LANCL2: variants seen among roughly 807,000 people sequenced by gnomAD.
LANCL2 encodes the protein lanC-like protein 2.
Under a neutral mutation model 56.9 loss-of-function variants are expected in LANCL2, and 33 were observed. The ratio of observed to expected loss-of-function variants is 0.58; its 90% CI spans 0.44 to 0.78. The LOEUF (loss-of-function observed/expected upper bound fraction) is 0.78, where lower values mean the gene tolerates loss of function less well. Ranked by LOEUF, LANCL2 falls within the 30% of genes least tolerant of loss-of-function variation. The pLI is 0.00. For missense variants in LANCL2, 562 were observed against 580.2 expected, an observed-to-expected ratio of 0.97 and a Z score of 0.32; for synonymous variants, 233 against 228.2, an observed-to-expected ratio of 1.02 and a Z score of -0.19.
At chr7:55,382,396 T>C (rs190144611) in intron 1 of LANCL2, among the ~76,000 whole-genome samples, 1 of 152,324 alleles carries the variant, frequency 6.6e-6, no homozygotes, top group Admixed American at 6.5e-5. Context: ...TGGAGAAGAC[T>C]GTCAGTGTCC....
At chr7:55,428,507 T>G in intron 8 of LANCL2, 60 bp downstream of exon 8, 2 of 1,328,584 alleles carry the variant, frequency 1.5e-6, no homozygotes, top group Non-Finnish European at 2.2e-6. Context: ...CTCCTGCCCT[T>G]GTGGACTGGC....
At chr7:55,427,597 G>C (rs1790678594) in intron 7 of LANCL2, among the ~76,000 whole-genome samples, 1 of 152,226 alleles carries the variant, frequency 6.6e-6, no homozygotes, top group Non-Finnish European at 1.5e-5. Flanking sequence ...TCTTTCTGTT[G>C]TCTGACTCGG....
chr7:55,424,067 C>T (rs528960985), intron 6 of LANCL2, among the ~76,000 whole-genome samples: 9 of 152,304 alleles, frequency 5.9e-5, no homozygotes, highest in African/African-American at 1.7e-4. Context: ...GTAGAGGGAC[C>T]TGACCTGCCA....
intron 1 of LANCL2, among the ~76,000 whole-genome samples, chr7:55,387,231 A>G (rs747208583): frequency 7.2e-5 from 11 of 152,228 alleles, no homozygotes; most frequent in Non-Finnish European, 1.6e-4. Context: ...CACATGACTC[A>G]TAGGAACAGT....
chr7:55,429,390 T>C (rs151332631), intron 8 of LANCL2, among the ~76,000 whole-genome samples: 6 of 152,358 alleles, frequency 3.9e-5, no homozygotes, highest in African/African-American at 1.4e-4. Flanking sequence ...TCATATTGGG[T>C]GAGCTGTCAT....
chr7:55,425,824 T>G (rs1303348866), intron 7 of LANCL2, among the ~76,000 whole-genome samples: 2 of 152,194 alleles, frequency 1.3e-5, no homozygotes, highest in Non-Finnish European at 2.9e-5. Context: ...GCAGATTGTT[T>G]GTAATCGTCC....
Position 55,428,429 on chromosome 7 carries a change from C to A in LANCL2, c.1240C>A (p.Pro414Thr), listed in dbSNP as rs762630798. 158 of 1,613,864 alleles carry A rather than the reference C, an allele frequency of 9.8e-5. No homozygotes were observed. Among genetic ancestry groups the A allele is most frequent in the Non-Finnish European group, 1.2e-4 (146 of 1,179,856 alleles). ...GAHGCRIPDR[P>T]YSLFEGMAGA... ...ACACGGGTGCCGCATTCCTGACAGA[C>A]CCTATTCGCTCTTTGAAGGTAAGAG... The change falls in exon 8 of 9, where the codon CCC becomes ACC. Residue 414 changes from proline to threonine, a missense_variant. By Grantham distance (38) the Pro-to-Thr change is conservative. Transcript: ENST00000254770.
Position 55,398,496 on chromosome 7 carries a change from C to T in LANCL2, c.396C>T (p.Tyr132=), listed in dbSNP as rs184183316. 6.8e-6 allele frequency: 11 copies of T among 1,614,174 alleles called. No individual in the cohort carries two copies. Among genetic ancestry groups the T allele is most frequent in the Middle Eastern group, 1.6e-4 (1 of 6,062 alleles). ...CCTACCTGCTCCGATCCCTGGATTA[C>T]GTAAAAAGAACACTTCGGAATCTGA... ...DQTYLLRSLD[Y]VKRTLRNLNG... Residue 132 remains tyrosine (Y), a synonymous_variant, in exon 3 of 9, where the codon TAC becomes TAT. Coordinates refer to ENST00000254770, the MANE Select transcript of LANCL2 (RefSeq NM_018697.4).
chr7:55,432,183 G>A lies in LANCL2; in HGVS notation c.*863G>A, dbSNP rs1790737651. 6.6e-6 allele frequency: 1 copy of A among 152,150 alleles called. No homozygotes were observed. 9.4% of individuals were successfully genotyped at this position (152,150 alleles called of 1,614,324 possible). A position where few individuals can be genotyped will look rare whatever the true frequency, so the allele number is the denominator to read the frequency against. On this transcript the variant is annotated 3_prime_UTR_variant, in exon 9 of 9. Coordinates refer to ENST00000254770, the MANE Select transcript of LANCL2 (RefSeq NM_018697.4). ...CAGTTTATCAACATTATAAGTTACT[G>A]TTCTAAGAAAAGTAAATACAGTTCC...
intron 6 of LANCL2, among the ~76,000 whole-genome samples, chr7:55,422,085 CAA>C (rs1790615048): frequency 6.6e-6 from 1 of 151,886 alleles, no homozygotes; most frequent in Non-Finnish European, 1.5e-5. Context: ...TTGATACAAG[CAA>C]AAAAGATAGT....
chr7:55,391,721 G>A (rs1790192687), intron 1 of LANCL2, 72 bp from the exon 2 acceptor site: 1 of 825,126 alleles, frequency 1.2e-6, no homozygotes, highest in East Asian at 2.5e-5. Flanking sequence ...GTACAACTTA[G>A]ACTTTAAAGT....
At chr7:55,381,523 C>G (rs561419422) in intron 1 of LANCL2, among the ~76,000 whole-genome samples, 13 of 152,168 alleles carry the variant, frequency 8.5e-5, no homozygotes, top group Admixed American at 8.5e-4. Context: ...ACAGAATTTG[C>G]AATTCAATAC....
At chr7:55,367,970 T>C (rs1789894280) in intron 1 of LANCL2, among the ~76,000 whole-genome samples, 1 of 152,252 alleles carries the variant, frequency 6.6e-6, no homozygotes, top group African/African-American at 2.4e-5. Flanking sequence ...TGTGACTTAG[T>C]GTTTCATTTT....
At chr7:55,422,891 T>C (rs1032719302) in intron 6 of LANCL2, among the ~76,000 whole-genome samples, 12 of 152,326 alleles carry the variant, frequency 7.9e-5, no homozygotes, top group Admixed American at 5.2e-4. Flanking sequence ...GTTTGGGTCA[T>C]CTTGGGATCC....
At position 55,429,008 on chromosome 7, in the gene LANCL2, A is replaced by C. The variant is rs140110755; in HGVS notation, c.1258+561A>C. Among the ~76,000 whole-genome samples the C allele has an allele frequency of 8.7e-3, 1,318 of 152,282 alleles. 20 individuals carry two copies. Among genetic ancestry groups the C allele is most frequent in the African/African-American group, 0.03 (1,263 of 41,534 alleles). ...ACAGGAGCACAAACAGAAGCCCCAC[A>C]AACAGGCCCGGATATTCGTTAGATT... On this transcript the variant is annotated intron_variant, in intron 8 of 8. Coordinates refer to ENST00000254770, the MANE Select transcript of LANCL2 (RefSeq NM_018697.4).
intron 1 of LANCL2, among the ~76,000 whole-genome samples, chr7:55,371,277 T>A (rs1789941062): frequency 6.6e-6 from 1 of 152,166 alleles, no homozygotes; most frequent in Admixed American, 6.5e-5. Flanking sequence ...CTCACTCTGT[T>A]GTAGGCTGGA....
intron 1 of LANCL2, among the ~76,000 whole-genome samples, chr7:55,382,301 T>TA (rs958099508): frequency 3.9e-5 from 6 of 151,982 alleles, no homozygotes; most frequent in African/African-American, 7.2e-5. Flanking sequence ...TAAAAACCAT[T>TA]AAAAAAAGAG....
At chr7:55,404,428 T>C (rs1790381461) in intron 5 of LANCL2, among the ~76,000 whole-genome samples, 1 of 152,216 alleles carries the variant, frequency 6.6e-6, no homozygotes, top group South Asian at 2.1e-4. Flanking sequence ...ATATTACTTT[T>C]TAAAATTTTA....
chr7:55,425,608 G>GGCCACAGTGTCCCTGTCTA (rs1562870854), intron 7 of LANCL2, among the ~76,000 whole-genome samples, 178 bp downstream of exon 7: 6 of 152,014 alleles, frequency 3.9e-5, no homozygotes, highest in African/African-American at 1.5e-4. Flanking sequence ...GTCCCTGTCT[G>GGCCACAGTGTCCCTGTCTA]TAGAATGGAG....
Sources: allele counts gnomAD v4.1 joint callset (sites outside exome capture counted in the v4.1 genomes callset), GRCh38; gene constraint gnomAD v4.1.1; transcripts MANE v1.5; gene names NCBI Gene and HGNC (gene_info 2026-07-23, HGNC 2026-07-21).